HNRNPUL2: variants seen among roughly 807,000 people sequenced by gnomAD.
HNRNPUL2 encodes heterogeneous nuclear ribonucleoprotein U-like protein 2.
HNRNPUL2 carries 27 observed loss-of-function variants against 102.2 expected under a neutral mutation model. That is an observed-to-expected ratio of 0.26 (90% CI 0.19 to 0.36). The LOEUF (loss-of-function observed/expected upper bound fraction) is 0.36, where lower values mean the gene tolerates loss of function less well. Among genes scored for constraint, HNRNPUL2 ranks in the 10% least tolerant of loss-of-function variants. The pLI is 1.00. For synonymous variants in HNRNPUL2, 458 were observed against 387.2 expected, an observed-to-expected ratio of 1.18 and a Z score of -2.15; for missense variants, 936 against 981.1, an observed-to-expected ratio of 0.95 and a Z score of 0.61.
chr11:62,721,507 T>C (rs2083702890), intron 8 of HNRNPUL2, 84 bp from the exon 9 acceptor site: 15 of 1,248,568 alleles, frequency 1.2e-5, no homozygotes, highest in Middle Eastern at 2.1e-4. Flanking sequence ...TTGGTAAATG[T>C]CACCTCTTCA....
chr11:62,719,951 C>T (rs2083687745), intron 10 of HNRNPUL2, 72 bp downstream of exon 10: 2 of 1,405,116 alleles, frequency 1.4e-6, no homozygotes, highest in Middle Eastern at 1.8e-4. Context: ...GGGAAATAAA[C>T]CTCTATTACT....
rs2083644247 is a variant in HNRNPUL2, at chr11:62,714,533, G to A, written c.*766C>T. Reference sequence around the variant, plus strand: ...ACAGGAATTAATCAATGGGTCTATAGAAGGGGCAGGCTATTCTGCTCTGCC... The same window carrying A: ...ACAGGAATTAATCAATGGGTCTATAAAAGGGGCAGGCTATTCTGCTCTGCC... On this transcript the variant is annotated 3_prime_UTR_variant, in exon 14 of 14. Transcript: ENST00000301785. 1 of 152,144 alleles carries A rather than the reference G, an allele frequency of 6.6e-6. No individual in the cohort carries two copies. The highest frequency in any genetic ancestry group is 2.4e-5 in the African/African-American group (1 of 41,404). 9.4% of individuals were successfully genotyped at this position (152,144 alleles called of 1,614,324 possible).
intron 10 of HNRNPUL2, among the ~76,000 whole-genome samples, chr11:62,718,833 T>G (rs1473456230): frequency 6.6e-6 from 1 of 152,114 alleles, no homozygotes; most frequent in Non-Finnish European, 1.5e-5. Flanking sequence ...GGTCACTTTT[T>G]TTTTTTTGAG....
chr11:62,720,663 G>A (rs1009251926), intron 9 of HNRNPUL2, among the ~76,000 whole-genome samples: 2 of 151,424 alleles, frequency 1.3e-5, no homozygotes, highest in African/African-American at 4.9e-5. Flanking sequence ...AGGAGATCAA[G>A]AGCATCCTGG....
Position 62,727,377 on chromosome 11 carries a change from C to G in HNRNPUL2, c.-221G>C, listed in dbSNP as rs1359533553. 2.1e-6 allele frequency: 1 copy of G among 483,968 alleles called. No individual in the cohort carries two copies. The highest frequency in any genetic ancestry group is 3.1e-6 in the Non-Finnish European group (1 of 320,974). The allele number at this position is 483,968 out of a possible 1,614,324, so 30.0% of individuals were successfully genotyped here. ...CCCCTCCCCCTTTCGGCTCACGGAG[C>G]CCAAAACAACGCAGCAGGGAGCTGT... On this transcript the variant is annotated 5_prime_UTR_variant, in exon 1 of 14. Transcript: ENST00000301785.
intron 4 of HNRNPUL2, 142 bp from the exon 5 acceptor site, chr11:62,723,045 G>A (rs183053940): frequency 1.5e-5 from 10 of 657,280 alleles, no homozygotes; most frequent in Non-Finnish European, 2.4e-5. Context: ...TGAACTTAAA[G>A]CCACAGGGAT....
At chr11:62,717,494 G>C (rs954109802) in intron 10 of HNRNPUL2, among the ~76,000 whole-genome samples, 1 of 152,226 alleles carries the variant, frequency 6.6e-6, no homozygotes, top group South Asian at 2.1e-4. Flanking sequence ...GGTAACCAGA[G>C]GCTAAAAGTA....
Position 62,723,569 on chromosome 11 carries a change from A to T in HNRNPUL2, c.891+18T>A. The T allele has an allele frequency of 6.3e-7, 1 of 1,580,956 alleles. No individual in the cohort carries two copies. The highest frequency in any genetic ancestry group is 1.1e-5 in the South Asian group (1 of 87,328). Reference sequence around the variant, plus strand: ...CAGTAATAAATGAATGAATGAATGAATGGTCTTAATGAGCTACCTTTGCCT... The same window carrying T: ...CAGTAATAAATGAATGAATGAATGATTGGTCTTAATGAGCTACCTTTGCCT... On this transcript the variant is annotated intron_variant, in intron 4 of 13. Transcript: ENST00000301785.
Position 62,722,183 on chromosome 11 carries a change from A to G in HNRNPUL2, c.1293T>C (p.Ile431=), listed in dbSNP as rs2083708113. The part of the protein sequence containing the change: ...FFPPPEEFVF[I]HAVPVEERVR... ...CACGCTCCTCAACAGGCACAGCATG[A>G]ATGAACACAAACTCTTCTGGTGGTG... is the stretch of plus-strand genomic sequence containing the variant. The change falls in exon 7 of 14, where the codon ATT becomes ATC. Residue 431 remains isoleucine (I), a synonymous_variant. Transcript: ENST00000301785. 6.2e-7 allele frequency: 1 copy of G among 1,614,178 alleles called. No homozygotes were observed. Among genetic ancestry groups the G allele is most frequent in the Admixed American group, 1.7e-5 (1 of 60,024 alleles).
rs1454676636 is a variant in HNRNPUL2, at chr11:62,714,096, C to T, written c.*1203G>A. Reference sequence around the variant, plus strand: ...GCACATTTACACACGTTCACACTCACACTCTTCCCAAGGTTCAGCAGCCCC... The same window carrying T: ...GCACATTTACACACGTTCACACTCATACTCTTCCCAAGGTTCAGCAGCCCC... On this transcript the variant is annotated 3_prime_UTR_variant, in exon 14 of 14. Transcript: ENST00000301785. 1.3e-5 allele frequency: 2 copies of T among 152,112 alleles called. No homozygotes were observed. The highest frequency in any genetic ancestry group is 4.8e-5 in the African/African-American group (2 of 41,388). The allele number at this position is 152,112 out of a possible 1,614,324, so 9.4% of individuals were successfully genotyped here.
At position 62,727,267 on chromosome 11, in the gene HNRNPUL2, A is replaced by T. The variant is rs2083764301; in HGVS notation, c.-111T>A. On this transcript the variant is annotated 5_prime_UTR_variant, in exon 1 of 14. Coordinates refer to ENST00000301785, the MANE Select transcript of HNRNPUL2 (RefSeq NM_001079559.3). The stretch of plus-strand genomic sequence containing the variant: ...GCCCGCCTCCGCCTCACGCGCCAGC[A>T]CTGAGCCCGCGCGAGCGAGCGCACG... The T allele has an allele frequency of 8.2e-7, 1 of 1,214,612 alleles. No homozygotes were observed. Among genetic ancestry groups the T allele is most frequent in the Non-Finnish European group, 1.0e-6 (1 of 973,948 alleles). The allele number at this position is 1,214,612 out of a possible 1,614,324, so 75.2% of individuals were successfully genotyped here.
chr11:62,724,784 ATT>A (rs2083731472), intron 1 of HNRNPUL2, among the ~76,000 whole-genome samples: 1 of 152,252 alleles, frequency 6.6e-6, no homozygotes, highest in African/African-American at 2.4e-5. Flanking sequence ...GGTTAATTTA[ATT>A]TTGACTCTTG....
At position 62,725,332 on chromosome 11, in the gene HNRNPUL2, G is replaced by A. The variant is rs552926858; in HGVS notation, c.539-906C>T. Among the ~76,000 whole-genome samples, 10 of 152,224 alleles carry A rather than the reference G, an allele frequency of 6.6e-5. No individual in the cohort carries two copies. In the South Asian group the frequency reaches 1.0e-3, roughly 16 times the overall value. ...CCCGCCTCAGCCTCCCAAGAAGCTG[G>A]GATTACCGGCACCCGCCATCACGCC... is the stretch of plus-strand genomic sequence containing the variant. On this transcript the variant is annotated intron_variant, in intron 1 of 13. Coordinates refer to ENST00000301785, the MANE Select transcript of HNRNPUL2 (RefSeq NM_001079559.3).
intron 1 of HNRNPUL2, among the ~76,000 whole-genome samples, chr11:62,726,282 C>CA (rs1275497193): frequency 6.6e-6 from 1 of 152,144 alleles, no homozygotes; most frequent in African/African-American, 2.4e-5. Flanking sequence ...CGTGTAATCC[C>CA]CAATTGCTTA....
intron 1 of HNRNPUL2, 143 bp downstream of exon 1, chr11:62,726,476 T>G (rs2083747915): frequency 3.7e-6 from 3 of 805,078 alleles, no homozygotes; most frequent in East Asian, 3.0e-5. Flanking sequence ...CTCAGAAAGG[T>G]GGGTAGAGAA....
intron 4 of HNRNPUL2, 113 bp downstream of exon 4, chr11:62,723,474 A>G (rs1377405043): frequency 1.7e-6 from 2 of 1,159,272 alleles, no homozygotes; most frequent in Non-Finnish European, 2.4e-6. Context: ...CTGGGTAACA[A>G]GAGCGAAACT....
At chr11:62,720,248 C>T (rs1466301469) in intron 9 of HNRNPUL2, 57 bp from the exon 10 acceptor site, 6 of 1,552,882 alleles carry the variant, frequency 3.9e-6, no homozygotes, top group Non-Finnish European at 5.3e-6. Flanking sequence ...CAGATTTAAC[C>T]AAAAGAATCA....
intron 1 of HNRNPUL2, among the ~76,000 whole-genome samples, chr11:62,725,944 C>T (rs544591401): frequency 6.6e-6 from 1 of 152,302 alleles, no homozygotes; most frequent in Non-Finnish European, 1.5e-5. Flanking sequence ...TATCCACGGA[C>T]TCAGTGGGAC....
At chr11:62,726,481 A>T in intron 1 of HNRNPUL2, 138 bp downstream of exon 1, 1 of 833,146 alleles carries the variant, frequency 1.2e-6, no homozygotes, top group Non-Finnish European at 1.8e-6. Context: ...AAAGGTGGGT[A>T]GAGAATGAAA....
Sources: allele counts gnomAD v4.1 joint callset (sites outside exome capture counted in the v4.1 genomes callset), GRCh38; gene constraint gnomAD v4.1.1; transcripts MANE v1.5; gene names NCBI Gene and HGNC (gene_info 2026-07-23, HGNC 2026-07-21).